The following CDH13 variants were observed in gnomAD, a reference collection of about 807,000 sequenced individuals.
The protein encoded by CDH13 is cadherin 13.
CDH13 carries 24 observed loss-of-function variants against 63.8 expected under a neutral mutation model. That is an observed-to-expected ratio of 0.38 (90% CI 0.27 to 0.53). CDH13 has a LOEUF of 0.53. Ranked by LOEUF, CDH13 falls within the 20% of genes least tolerant of loss-of-function variation. The pLI is 0.85. For missense variants in CDH13, 1,049 were observed against 903.1 expected, an observed-to-expected ratio of 1.16 and a Z score of -2.07; for synonymous variants, 503 against 355.3, an observed-to-expected ratio of 1.42 and a Z score of -4.67.
At chr16:83,701,225 T>G (rs962538571) in intron 10 of CDH13, among the ~76,000 whole-genome samples, 3 of 152,140 alleles carry the variant, frequency 2.0e-5, no homozygotes, top group African/African-American at 7.2e-5. Flanking sequence ...TCTCAGTCCC[T>G]GAAAAGATGA....
chr16:83,786,372 A>G (rs1410407454), intron 13 of CDH13, among the ~76,000 whole-genome samples: 2 of 151,872 alleles, frequency 1.3e-5, no homozygotes, highest in Non-Finnish European at 2.9e-5. Flanking sequence ...AACATTTTCA[A>G]ACTACGAATT....
chr16:83,267,407 C>G (rs1045530739), intron 5 of CDH13, among the ~76,000 whole-genome samples: 6 of 152,048 alleles, frequency 3.9e-5, no homozygotes, highest in African/African-American at 1.4e-4. Flanking sequence ...GCAGGCACAT[C>G]GGCTTATAGG....
At chr16:83,020,053 G>A (rs544894006) in intron 2 of CDH13, among the ~76,000 whole-genome samples, 3 of 152,166 alleles carry the variant, frequency 2.0e-5, no homozygotes, top group Admixed American at 6.5e-5. Context: ...ACCTCACTAG[G>A]CAATAGGACT....
At chr16:83,728,139 C>G (rs777745786) in intron 10 of CDH13, among the ~76,000 whole-genome samples, 1 of 152,134 alleles carries the variant, frequency 6.6e-6, no homozygotes, top group Non-Finnish European at 1.5e-5. Context: ...AACAGCACCG[C>G]GGGCAGGCTT....
chr16:83,014,728 C>CT (rs1914517150), intron 2 of CDH13, among the ~76,000 whole-genome samples: 1 of 30,994 alleles, frequency 3.2e-5, no homozygotes. Flanking sequence ...GAGACTCCAT[C>CT]TAAAAAAAAA....
intron 10 of CDH13, among the ~76,000 whole-genome samples, chr16:83,741,010 C>T (rs996469318): frequency 6.6e-6 from 1 of 152,294 alleles, no homozygotes; most frequent in Non-Finnish European, 1.5e-5. Context: ...GCCCTAGAGA[C>T]CATGGCAGTC....
chr16:82,939,563 C>G (rs2042770521), intron 2 of CDH13, among the ~76,000 whole-genome samples: 1 of 151,876 alleles, frequency 6.6e-6, no homozygotes, highest in African/African-American at 2.4e-5. Flanking sequence ...AGGTGAGATC[C>G]CCAAGTACAC....
At chr16:83,070,636 C>T (rs954102144) in intron 3 of CDH13, among the ~76,000 whole-genome samples, 4 of 152,016 alleles carry the variant, frequency 2.6e-5, no homozygotes, top group Non-Finnish European at 5.9e-5. Context: ...GGAAGGAAAG[C>T]GCTAGTGTGA....
chr16:83,330,073 A>AGT (rs1434824043), intron 5 of CDH13, among the ~76,000 whole-genome samples: 3 of 152,260 alleles, frequency 2.0e-5, no homozygotes, highest in Non-Finnish European at 2.9e-5. Flanking sequence ...AAGATTTAAA[A>AGT]GCATTGCCTT....
intron 3 of CDH13, among the ~76,000 whole-genome samples, chr16:83,046,543 A>C (rs1189014940): frequency 6.6e-6 from 1 of 152,224 alleles, no homozygotes. Flanking sequence ...GGAAAATTTC[A>C]AATGCAAACA....
At chr16:83,197,622 G>T (rs1476109323) in intron 4 of CDH13, among the ~76,000 whole-genome samples, 1 of 152,140 alleles carries the variant, frequency 6.6e-6, no homozygotes, top group Non-Finnish European at 1.5e-5. Flanking sequence ...GAGGGAAGAG[G>T]CAGTCTCTGC....
intron 6 of CDH13, among the ~76,000 whole-genome samples, chr16:83,484,393 A>G (rs2073840331): frequency 6.6e-6 from 1 of 152,238 alleles, no homozygotes; most frequent in Non-Finnish European, 1.5e-5. Context: ...CAGATTCAAA[A>G]TCAGAAGATG....
At chr16:83,082,905 A>C (rs2033349939) in intron 3 of CDH13, among the ~76,000 whole-genome samples, 1 of 152,226 alleles carries the variant, frequency 6.6e-6, no homozygotes, top group Non-Finnish European at 1.5e-5. Flanking sequence ...CAGGCCATGC[A>C]AAGGGAAAAA....
intron 7 of CDH13, among the ~76,000 whole-genome samples, chr16:83,542,332 C>T (rs1381458573): frequency 2.0e-5 from 3 of 152,172 alleles, no homozygotes; most frequent in African/African-American, 7.2e-5. Flanking sequence ...TTGCAAACTA[C>T]TGCTCCATCT....
At chr16:83,274,191 C>A (rs1035123080) in intron 5 of CDH13, among the ~76,000 whole-genome samples, 3 of 152,178 alleles carry the variant, frequency 2.0e-5, no homozygotes, top group African/African-American at 7.2e-5. Flanking sequence ...GCCTCAGTGA[C>A]AACCATTCTG....
At chr16:82,900,184 C>G (rs1297683213) in intron 2 of CDH13, among the ~76,000 whole-genome samples, 3 of 152,208 alleles carry the variant, frequency 2.0e-5, no homozygotes, top group Admixed American at 6.5e-5. Flanking sequence ...TAGATCACAT[C>G]TTTATTCCTG....
intron 3 of CDH13, among the ~76,000 whole-genome samples, chr16:83,118,895 C>G (rs749450687): frequency 8.5e-5 from 13 of 152,170 alleles, no homozygotes; most frequent in Admixed American, 5.9e-4. Flanking sequence ...TTCTGTGTTT[C>G]TTTCTTCACC....
At chr16:83,436,474 T>TAA (rs60903960) in intron 6 of CDH13, among the ~76,000 whole-genome samples, 5 of 148,488 alleles carry the variant, frequency 3.4e-5, no homozygotes, top group African/African-American at 1.2e-4. Flanking sequence ...TGAATCTAAT[T>TAA]AAAAAAAAAA....
chr16:82,669,784 G>C (rs940722484), intron 1 of CDH13, among the ~76,000 whole-genome samples: 12 of 152,158 alleles, frequency 7.9e-5, no homozygotes, highest in African/African-American at 2.9e-4. Context: ...TCTCCAGTGA[G>C]ATATACCCCA....
Sources: gnomAD v4.1 joint callset for allele counts (sites outside exome capture counted in the v4.1 genomes callset) on GRCh38, gnomAD v4.1.1 for gene constraint, MANE v1.5 for transcripts, NCBI Gene and HGNC (gene_info 2026-07-23, HGNC 2026-07-21) for gene names.